The following DNAH8 variants were observed in gnomAD, a reference collection of about 807,000 sequenced individuals.
DNAH8 encodes the protein axonemal beta dynein heavy chain 8.
In DNAH8, 382 loss-of-function variants were observed where a neutral mutation model predicts 562.1. That is an observed-to-expected ratio of 0.68 (90% CI 0.63 to 0.74). The LOEUF is 0.74. Ranked by LOEUF, DNAH8 falls within the 30% of genes least tolerant of loss-of-function variation. The probability of loss-of-function intolerance (pLI) is 0.00; values close to 1 mark genes in which losing one functional copy is unlikely to be tolerated. For synonymous variants in DNAH8, 1,881 were observed against 1,919.4 expected, an observed-to-expected ratio of 0.98 and a Z score of 0.52; for missense variants, 5,203 against 5,620.4, an observed-to-expected ratio of 0.93 and a Z score of 2.37.
At position 38,886,910 on chromosome 6, in the gene DNAH8, A is replaced by G. The variant is rs763218187; in HGVS notation, c.8379A>G (p.Gly2793=). Residue 2793 remains glycine, a synonymous_variant, in exon 57 of 93, where the codon GGA becomes GGG. Coordinates refer to ENST00000327475, the MANE Select transcript of DNAH8 (RefSeq NM_001206927.2). ...VQLIAAMIHP[G]GGRNDIPQRL... ...TCATAGCAGCAATGATCCACCCTGGAGGTGGTCGAAATGATATTCCACAAC... is the reference window on the plus strand; with the variant it reads ...TCATAGCAGCAATGATCCACCCTGGGGGTGGTCGAAATGATATTCCACAAC... 4 of 1,613,772 alleles carry G rather than the reference A, an allele frequency of 2.5e-6. No homozygotes were observed. Among genetic ancestry groups the G allele is most frequent in the South Asian group, 1.1e-5 (1 of 91,076 alleles).
At chr6:38,981,984 C>T (rs1433193331) in intron 85 of DNAH8, among the ~76,000 whole-genome samples, 1 of 152,130 alleles carries the variant, frequency 6.6e-6, no homozygotes, top group African/African-American at 2.4e-5. Context: ...TGTCTAGATA[C>T]ACAAATACCT....
At chr6:38,806,846 C>T (rs912200365) in intron 23 of DNAH8, among the ~76,000 whole-genome samples, 24 of 152,088 alleles carry the variant, frequency 1.6e-4, no homozygotes, top group Admixed American at 1.6e-3. Context: ...CTTGATAGTT[C>T]ACTAGCCCTG....
At chr6:38,879,080 GA>G (rs1778252284) in intron 53 of DNAH8, among the ~76,000 whole-genome samples, 1 of 151,964 alleles carries the variant, frequency 6.6e-6, no homozygotes. Context: ...TAAAGAAATT[GA>G]ATTTGTAGTT....
At chr6:38,737,011 T>C (rs1267403640) in intron 5 of DNAH8, 56 bp from the exon 6 acceptor site, 7 of 1,279,418 alleles carry the variant, frequency 5.5e-6, no homozygotes, top group Middle Eastern at 3.9e-4. Context: ...GTTATGATTT[T>C]TCAGTTCTTT....
rs1004344520 is a variant in DNAH8, at chr6:38,848,660, A to G, written c.5058A>G (p.Pro1686=). ...GSLLSNRYNA[P]FKKNIQNWVY... is the part of the protein sequence containing the mutation. ...TCTTACCTTTTAGATACAATGCTCC[A>G]TTTAAAAAAAATATCCAGAATTGGG... Residue 1686 remains proline, a synonymous_variant, in exon 37 of 93, where the codon CCA becomes CCG. Transcript: ENST00000327475. The G allele has an allele frequency of 6.2e-7, 1 of 1,610,250 alleles. No homozygotes were observed. The highest frequency in any genetic ancestry group is 8.5e-7 in the Non-Finnish European group (1 of 1,177,238).
At chr6:39,007,911 C>G (rs1765895786) in intron 88 of DNAH8, among the ~76,000 whole-genome samples, 1 of 150,956 alleles carries the variant, frequency 6.6e-6, no homozygotes, top group African/African-American at 2.4e-5. Flanking sequence ...CACATACACA[C>G]ACACAGGCAC....
chr6:38,834,673 A>C, intron 32 of DNAH8, 32 bp downstream of exon 32: 1 of 1,513,756 alleles, frequency 6.6e-7, no homozygotes, highest in Non-Finnish European at 9.0e-7. Context: ...TACATCGACA[A>C]TGTGTAATTT....
rs767443140 is a variant in DNAH8, at chr6:38,826,189, A to G, written c.3881A>G (p.Lys1294Arg). 6.2e-7 allele frequency: 1 copy of G among 1,611,668 alleles called. No homozygotes were observed. Among genetic ancestry groups the G allele is most frequent in the South Asian group, 1.1e-5 (1 of 90,208 alleles). ...AAATTGGCCTTATCCATCGAGGCCA[A>G]GGCATGGAAGATGTTACTCTGTCGA... ...PMKLALSIEA[K>R]AWKMLLCRYL... Residue 1294 changes from lysine (K) to arginine (R), a missense_variant, in exon 29 of 93, where the codon AAG becomes AGG. Lys to Arg is a conservative substitution (Grantham distance 26, BLOSUM62 2). This residue lies in a region of DNAH8 where 2,176 missense variants were observed against 2,365.1 expected (regional missense o/e 0.92). Transcript: ENST00000327475.
intron 7 of DNAH8, among the ~76,000 whole-genome samples, chr6:38,739,653 T>G (rs960698687): frequency 3.3e-5 from 5 of 152,012 alleles, no homozygotes; most frequent in East Asian, 1.9e-4. Context: ...AATAAATAAA[T>G]AAAGAAAAGA....
chr6:39,018,614 C>CCAT (rs1436303957), intron 91 of DNAH8, among the ~76,000 whole-genome samples: 2 of 152,340 alleles, frequency 1.3e-5, no homozygotes, highest in African/African-American at 4.8e-5. Flanking sequence ...GTCACCAGAG[C>CCAT]CATGATCTGC....
chr6:38,950,938 A>G (rs1177450611), intron 81 of DNAH8, among the ~76,000 whole-genome samples: 3 of 151,980 alleles, frequency 2.0e-5, no homozygotes, highest in Non-Finnish European at 4.4e-5. Context: ...GGTGTGCACT[A>G]CACAAATGGT....
chr6:38,798,676 T>G (rs947571140), intron 21 of DNAH8, among the ~76,000 whole-genome samples: 7 of 152,218 alleles, frequency 4.6e-5, no homozygotes, highest in African/African-American at 1.7e-4. Flanking sequence ...TGGGTCGTTG[T>G]GATTATCTGA....
chr6:38,890,778 CAAT>C lies in DNAH8; in HGVS notation c.8583+21_8583+23del. On this transcript the variant is annotated intron_variant, in intron 58 of 92. Coordinates refer to ENST00000327475, the MANE Select transcript of DNAH8 (RefSeq NM_001206927.2). The stretch of plus-strand genomic sequence containing the variant: ...TGGACTAAGGTACAGAATGGTTTGT[CAAT>C]AATTTTTAAAAAGGCAACTATTATT... 6.4e-7 allele frequency: 1 copy of C among 1,571,880 alleles called. No homozygotes were observed.
At chr6:38,765,704 G>T (rs563501371) in intron 11 of DNAH8, among the ~76,000 whole-genome samples, 1 of 152,268 alleles carries the variant, frequency 6.6e-6, no homozygotes, top group Non-Finnish European at 1.5e-5. Flanking sequence ...TAGCTTGGTA[G>T]TATATAAAAA....
chr6:38,749,916 T>A (rs1265505730), intron 8 of DNAH8, among the ~76,000 whole-genome samples: 1 of 152,244 alleles, frequency 6.6e-6, no homozygotes, highest in Non-Finnish European at 1.5e-5. Flanking sequence ...CACTGCAAGC[T>A]CCGCCTCCCG....
At chr6:38,974,646 T>G in intron 85 of DNAH8, 117 bp downstream of exon 85, 1 of 784,184 alleles carries the variant, frequency 1.3e-6, no homozygotes. Flanking sequence ...TACTCTCTTT[T>G]CCTTCATAGC....
chr6:38,845,705 C>T lies in DNAH8; in HGVS notation c.4977C>T (p.Thr1659=), dbSNP rs757005406. 3.5e-5 allele frequency: 56 copies of T among 1,613,768 alleles called. No homozygotes were observed. The highest frequency in any genetic ancestry group is 5.0e-5 in the Admixed American group (3 of 59,972). The change falls in exon 36 of 93, where the codon ACC becomes ACT. Residue 1659 remains threonine, a synonymous_variant. Transcript: ENST00000327475. ...KGKGELLLKG[T]ESGEIITLME... ...AAGGAGAGCTCCTGCTCAAAGGAAC[C>T]GAATCGGGAGAAATTATCACTTTGA...
intron 57 of DNAH8, among the ~76,000 whole-genome samples, chr6:38,889,312 A>AT (rs947537380): frequency 4.3e-4 from 64 of 148,658 alleles, no homozygotes; most frequent in East Asian, 1.4e-3. Context: ...AATTTCAAAA[A>AT]TTTTTTTTTT....
chr6:38,935,849 A>C (rs1205092882), intron 77 of DNAH8, 152 bp downstream of exon 77: 1 of 560,652 alleles, frequency 1.8e-6, no homozygotes, highest in Admixed American at 3.6e-5. Flanking sequence ...GACATTAAAG[A>C]GGGACGGCAG....
Sources: gnomAD v4.1 joint callset for allele counts (sites outside exome capture counted in the v4.1 genomes callset) on GRCh38, gnomAD v4.1.1 for gene constraint, gnomAD v4.1.1 regional missense constraint, MANE v1.5 for transcripts, NCBI Gene and HGNC (gene_info 2026-07-23, HGNC 2026-07-21) for gene names.